ANO10: variants seen among roughly 807,000 people sequenced by gnomAD.
The protein encoded by ANO10 is anoctamin 10, also known as anoctamin-10.
A neutral mutation model predicts 74.7 loss-of-function variants in ANO10; 77 were observed. The observed-to-expected ratio is 1.03, with a 90% CI of 0.86 to 1.25. ANO10 has a LOEUF of 1.25. Ranked by LOEUF, ANO10 falls within the 50% of genes most tolerant of loss-of-function variation. ANO10 has a pLI of 0.00. For missense variants in ANO10, 721 were observed against 778.1 expected, an observed-to-expected ratio of 0.93 and a Z score of 0.87; for synonymous variants, 279 against 284.9, an observed-to-expected ratio of 0.98 and a Z score of 0.21.
At chr3:43,474,788 C>T (rs1052160378) in intron 11 of ANO10, among the ~76,000 whole-genome samples, 1 of 152,132 alleles carries the variant, frequency 6.6e-6, no homozygotes, top group African/African-American at 2.4e-5. Flanking sequence ...TATCATGCAA[C>T]AAAACAGATG....
intron 1 of ANO10, among the ~76,000 whole-genome samples, chr3:43,661,469 C>T (rs2149573128): frequency 6.6e-6 from 1 of 152,300 alleles, no homozygotes; most frequent in South Asian, 2.1e-4. Context: ...TTGTAAAGAT[C>T]ACTGATGCTA....
At chr3:43,658,894 G>A (rs571842758) in intron 1 of ANO10, among the ~76,000 whole-genome samples, 1 of 152,138 alleles carries the variant, frequency 6.6e-6, no homozygotes, top group Admixed American at 6.5e-5. Context: ...GTTCTATAAA[G>A]GTCTTTGGGG....
intron 12 of ANO10, among the ~76,000 whole-genome samples, chr3:43,391,902 T>G (rs909290570): frequency 1.3e-5 from 2 of 152,192 alleles, no homozygotes; most frequent in Non-Finnish European, 2.9e-5. Context: ...GAGCAAATGT[T>G]TGTCATAAGC....
chr3:43,412,961 G>C (rs1220101635), intron 12 of ANO10, among the ~76,000 whole-genome samples: 1 of 152,192 alleles, frequency 6.6e-6, no homozygotes, highest in African/African-American at 2.4e-5. Context: ...CAAGGCAGGA[G>C]AATCACATGA....
intron 11 of ANO10, among the ~76,000 whole-genome samples, chr3:43,440,220 A>G (rs188108973): frequency 6.6e-6 from 1 of 152,286 alleles, no homozygotes; most frequent in African/African-American, 2.4e-5. Flanking sequence ...TTAAGTGTAA[A>G]TGGGTTAAAC....
At chr3:43,686,501 G>C (rs1293252736) in intron 1 of ANO10, among the ~76,000 whole-genome samples, 1 of 152,006 alleles carries the variant, frequency 6.6e-6, no homozygotes, top group Non-Finnish European at 1.5e-5. Context: ...GCCCAAGCTG[G>C]TCCTGAACTC....
chr3:43,487,377 T>C (rs1575236415), intron 11 of ANO10, among the ~76,000 whole-genome samples: 1 of 152,150 alleles, frequency 6.6e-6, no homozygotes, highest in Admixed American at 6.5e-5. Flanking sequence ...TCAGAAGGAA[T>C]GGTACCAGTT....
At chr3:43,446,963 A>C (rs2093255721) in intron 11 of ANO10, among the ~76,000 whole-genome samples, 1 of 152,180 alleles carries the variant, frequency 6.6e-6, no homozygotes, top group Non-Finnish European at 1.5e-5. Context: ...CCACATGTAC[A>C]ATCAGAATAT....
intron 8 of ANO10, among the ~76,000 whole-genome samples, chr3:43,562,747 C>T (rs1264972219): frequency 6.6e-6 from 1 of 151,462 alleles, no homozygotes; most frequent in Non-Finnish European, 1.5e-5. Context: ...CTGGGAAAAC[C>T]AGGTATCTAT....
rs768956711 is a variant in ANO10, at chr3:43,561,394, G to A, written c.1302C>T (p.Ala434=). The A allele has an allele frequency of 4.3e-6, 7 of 1,613,872 alleles. No individual in the cohort carries two copies. The highest frequency in any genetic ancestry group is 2.2e-5 in the South Asian group (2 of 91,078). ...KDMKLLRQSL[A]TLLITSQILN... ...GGATCTGGGAGGTAATTAGGAGAGT[G>A]GCCAAGCTCTAAAGAGAAGCACACA... Residue 434 remains alanine (A), a synonymous_variant, in exon 9 of 13, where the codon GCC becomes GCT. Transcript: ENST00000292246.
chr3:43,597,131 T>C (rs1355268818), intron 4 of ANO10, among the ~76,000 whole-genome samples: 1 of 152,120 alleles, frequency 6.6e-6, no homozygotes, highest in Non-Finnish European at 1.5e-5. Context: ...CTGGAGAGGA[T>C]GTGGAGAAAT....
chr3:43,607,421 G>A (rs989337385), intron 1 of ANO10, among the ~76,000 whole-genome samples: 1 of 152,040 alleles, frequency 6.6e-6, no homozygotes, highest in Non-Finnish European at 1.5e-5. Context: ...CTTGCAACCA[G>A]TTTCTCTGGG....
intron 1 of ANO10, among the ~76,000 whole-genome samples, chr3:43,662,103 A>T (rs911485828): frequency 6.6e-6 from 1 of 152,214 alleles, no homozygotes; most frequent in Non-Finnish European, 1.5e-5. Context: ...CAGAATATAC[A>T]TTCTTCTCAG....
intron 10 of ANO10, among the ~76,000 whole-genome samples, chr3:43,553,993 G>A (rs1362877281): frequency 6.6e-6 from 1 of 151,980 alleles, no homozygotes; most frequent in Non-Finnish European, 1.5e-5. Flanking sequence ...TCTCTTTGCT[G>A]AGATATCCTA....
At chr3:43,608,293 T>C (rs974505869) in intron 1 of ANO10, among the ~76,000 whole-genome samples, 11 of 152,226 alleles carry the variant, frequency 7.2e-5, no homozygotes, top group Admixed American at 3.9e-4. Context: ...CAAAATTATG[T>C]ACCTGGTCAA....
intron 12 of ANO10, among the ~76,000 whole-genome samples, chr3:43,396,516 T>C (rs2092385180): frequency 6.6e-6 from 1 of 151,640 alleles, no homozygotes; most frequent in South Asian, 2.1e-4. Flanking sequence ...TTTTTTGTAT[T>C]TTTAGTAGAG....
At chr3:43,585,325 C>T (rs188460405) in intron 4 of ANO10, among the ~76,000 whole-genome samples, 81 of 149,888 alleles carry the variant, frequency 5.4e-4, no homozygotes, top group Admixed American at 2.2e-3. Flanking sequence ...AGTACCAAAA[C>T]GGAAGGAAAG....
At chr3:43,449,769 G>A (rs2074773232) in intron 11 of ANO10, among the ~76,000 whole-genome samples, 1 of 151,926 alleles carries the variant, frequency 6.6e-6, no homozygotes, top group Non-Finnish European at 1.5e-5. Context: ...GCTATTTTGG[G>A]TCTTTTGCCA....
intron 1 of ANO10, among the ~76,000 whole-genome samples, chr3:43,673,952 A>T (rs993879812): frequency 6.6e-6 from 1 of 152,190 alleles, no homozygotes; most frequent in Non-Finnish European, 1.5e-5. Flanking sequence ...TCTCAGTTTA[A>T]TAAGTCAGAA....
Sources: allele counts gnomAD v4.1 joint callset (sites outside exome capture counted in the v4.1 genomes callset), GRCh38; gene constraint gnomAD v4.1.1; transcripts MANE v1.5; gene names NCBI Gene and HGNC (gene_info 2026-07-23, HGNC 2026-07-21).